The following CSMD1 variants were observed in gnomAD, a reference collection of about 807,000 sequenced individuals.
The protein encoded by CSMD1 is CUB and sushi domain-containing protein 1.
In CSMD1, 213 loss-of-function variants were observed where a neutral mutation model predicts 417.5. The observed-to-expected ratio is 0.51, with a 90% CI of 0.46 to 0.57. The LOEUF is 0.57. CSMD1 is among the 20% of genes least tolerant of loss of function. The pLI is 0.00. For synonymous variants in CSMD1, 2,862 were observed against 1,736.8 expected (o/e 1.65, Z -16.11); for missense variants, 6,923 against 4,529.7 (o/e 1.53, Z -15.17).
At chr8:3,792,785 A>G (rs551666865) in intron 5 of CSMD1, among the ~76,000 whole-genome samples, 294 of 152,244 alleles carry the variant, frequency 1.9e-3, no homozygotes, top group Non-Finnish European at 3.2e-3. Context: ...CTCTCTCACA[A>G]TTTAAGGCAT....
At chr8:3,687,020 TA>T (rs1799976163) in intron 7 of CSMD1, among the ~76,000 whole-genome samples, 1 of 152,114 alleles carries the variant, frequency 6.6e-6, no homozygotes, top group East Asian at 1.9e-4. Flanking sequence ...ACTGGTCAAG[TA>T]GGGGTGGATG....
At chr8:4,689,897 G>A (rs547973478) in intron 1 of CSMD1, among the ~76,000 whole-genome samples, 1 of 152,254 alleles carries the variant, frequency 6.6e-6, no homozygotes, top group African/African-American at 2.4e-5. Context: ...GAGGTAAGAA[G>A]GAAAGCCTGT....
chr8:4,937,677 G>A (rs180706675), intron 1 of CSMD1, among the ~76,000 whole-genome samples: 186 of 152,268 alleles, frequency 1.2e-3, no homozygotes, highest in Non-Finnish European at 2.2e-3. Flanking sequence ...ATTTAAAATA[G>A]AGCAGTGGTT....
chr8:3,444,502 C>T (rs991785683), intron 12 of CSMD1, among the ~76,000 whole-genome samples: 1 of 152,172 alleles, frequency 6.6e-6, no homozygotes, highest in Non-Finnish European at 1.5e-5. Context: ...ACCATCTTCT[C>T]TCCCCTCATT....
At chr8:4,842,737 GTTAT>G (rs1316908011) in intron 1 of CSMD1, among the ~76,000 whole-genome samples, 2 of 152,166 alleles carry the variant, frequency 1.3e-5, no homozygotes, top group Admixed American at 1.3e-4. Context: ...GTTTTTGAAT[GTTAT>G]TTATTATGCT....
intron 8 of CSMD1, among the ~76,000 whole-genome samples, chr8:3,610,176 C>G (rs147221553): frequency 2.0e-5 from 3 of 152,050 alleles, no homozygotes; most frequent in Non-Finnish European, 4.4e-5. Flanking sequence ...TGGCTGTAGT[C>G]CAGCAGCTTC....
intron 5 of CSMD1, among the ~76,000 whole-genome samples, chr8:3,926,857 A>G (rs1468578996): frequency 6.6e-6 from 1 of 151,344 alleles, no homozygotes; most frequent in Non-Finnish European, 1.5e-5. Context: ...CTGGGATTAC[A>G]GGCATGTGCC....
chr8:4,121,129 T>C (rs1383906551), intron 3 of CSMD1, among the ~76,000 whole-genome samples: 2 of 152,048 alleles, frequency 1.3e-5, no homozygotes, highest in Non-Finnish European at 2.9e-5. Flanking sequence ...TTATTATTTA[T>C]TTTTGGGCAG....
In CSMD1 at chr8:4,428,531, C is replaced by T. The variant is rs187676057; in HGVS notation, c.303-8466G>A. On this transcript the variant is annotated intron_variant, in intron 2 of 69. Coordinates refer to ENST00000635120, the MANE Select transcript of CSMD1 (RefSeq NM_033225.6). ...CTACATGTCAGAGCAGGTATACACA[C>T]AGAAGTATGTTAACATGTATTTTCC... 3.0e-3 allele frequency among the ~76,000 whole-genome samples: 454 copies of T among 152,216 alleles called. 3 individuals carry two copies. Among genetic ancestry groups the T allele is most frequent in the African/African-American group, 0.01 (433 of 41,524 alleles).
chr8:4,073,218 A>T (rs183812136), intron 3 of CSMD1, among the ~76,000 whole-genome samples: 13 of 152,304 alleles, frequency 8.5e-5, no homozygotes, highest in Admixed American at 3.9e-4. Context: ...CTTGTTTTTA[A>T]AAATAAAAAG....
chr8:3,860,436 T>A (rs944508630), intron 5 of CSMD1, among the ~76,000 whole-genome samples: 2 of 152,048 alleles, frequency 1.3e-5, no homozygotes, highest in Non-Finnish European at 2.9e-5. Context: ...ACAATAAAAC[T>A]TTTTTTTCCT....
At chr8:3,664,227 T>C (rs1798565862) in intron 7 of CSMD1, among the ~76,000 whole-genome samples, 1 of 152,056 alleles carries the variant, frequency 6.6e-6, no homozygotes, top group Admixed American at 6.6e-5. Context: ...GTTCCCCCAC[T>C]CTGTGTTCAA....
chr8:3,909,851 T>G (rs1254979447), intron 5 of CSMD1, among the ~76,000 whole-genome samples: 1 of 152,148 alleles, frequency 6.6e-6, no homozygotes, highest in African/African-American at 2.4e-5. Context: ...TATGTCCTGC[T>G]GTATACAAGT....
intron 5 of CSMD1, among the ~76,000 whole-genome samples, chr8:3,940,951 T>C (rs1810841033): frequency 6.6e-6 from 1 of 151,868 alleles, no homozygotes; most frequent in Non-Finnish European, 1.5e-5. Context: ...TTTACATATA[T>C]GTCCAAATTG....
chr8:3,089,117 C>G (rs924289218), intron 48 of CSMD1, among the ~76,000 whole-genome samples: 14 of 152,216 alleles, frequency 9.2e-5, no homozygotes, highest in East Asian at 1.9e-4. Context: ...GAGACTGGAG[C>G]AGGGGCCCTG....
At chr8:4,714,859 C>T (rs1009982129) in intron 1 of CSMD1, among the ~76,000 whole-genome samples, 3 of 151,874 alleles carry the variant, frequency 2.0e-5, no homozygotes, top group Non-Finnish European at 4.4e-5. Context: ...TTCTTAAAAC[C>T]GAAGAAAAAA....
intron 1 of CSMD1, among the ~76,000 whole-genome samples, chr8:4,946,701 C>G (rs963776465): frequency 2.6e-5 from 4 of 152,190 alleles, no homozygotes; most frequent in Non-Finnish European, 5.9e-5. Context: ...CACTCACTCT[C>G]CCCAAAGGTT....
intron 5 of CSMD1, among the ~76,000 whole-genome samples, chr8:3,775,158 T>A (rs1377709461): frequency 6.6e-6 from 1 of 152,256 alleles, no homozygotes; most frequent in South Asian, 2.1e-4. Flanking sequence ...GAGGAACTAC[T>A]GTATTTCTTT....
At chr8:4,485,232 G>C (rs992355177) in intron 2 of CSMD1, among the ~76,000 whole-genome samples, 6 of 152,072 alleles carry the variant, frequency 3.9e-5, no homozygotes, top group Non-Finnish European at 7.4e-5. Context: ...TTCATCCCTT[G>C]AGAAAAGATG....
Sources: allele counts gnomAD v4.1 joint callset (sites outside exome capture counted in the v4.1 genomes callset), GRCh38; gene constraint gnomAD v4.1.1; transcripts MANE v1.5; gene names NCBI Gene and HGNC (gene_info 2026-07-23, HGNC 2026-07-21).